NEK10: variants seen among roughly 807,000 people sequenced by gnomAD.
The protein encoded by NEK10 is serine/threonine-protein kinase Nek10.
In NEK10, 122 loss-of-function variants were observed where a neutral mutation model predicts 159.8. The ratio of observed to expected loss-of-function variants is 0.76; its 90% confidence interval spans 0.66 to 0.89. NEK10 has a LOEUF of 0.89. NEK10 is among the 40% of genes least tolerant of loss of function. The pLI is 0.00. For missense variants in NEK10, 1,342 were observed against 1,323.1 expected (o/e 1.01, Z -0.22); for synonymous variants, 466 against 457.1 (o/e 1.02, Z -0.25).
chr3:27,298,542 T>C (rs2043547573), intron 13 of NEK10, among the ~76,000 whole-genome samples: 1 of 152,184 alleles, frequency 6.6e-6, no homozygotes, highest in Non-Finnish European at 1.5e-5. Flanking sequence ...AGAGTCGGGC[T>C]TTGCTGAAAA....
rs1413301810 is a variant in NEK10, at chr3:27,192,024, C to T, written c.2505+5G>A. The T allele has an allele frequency of 1.2e-6, 2 of 1,613,920 alleles. No individual in the cohort carries two copies. Among genetic ancestry groups the T allele is most frequent in the African/African-American group, 2.7e-5 (2 of 75,050 alleles). On this transcript the variant is annotated splice_donor_5th_base_variant and intron_variant, in intron 26 of 35. Transcript: ENST00000691995. Reference sequence around the variant, plus strand: ...TCATGAACCGATTGAAATATTTGCACTTACGTGAGATAGAACAGCCAGCTC... The same window carrying T: ...TCATGAACCGATTGAAATATTTGCATTTACGTGAGATAGAACAGCCAGCTC...
intron 5 of NEK10, among the ~76,000 whole-genome samples, chr3:27,324,161 A>G (rs2045849365): frequency 6.6e-6 from 1 of 152,172 alleles, no homozygotes; most frequent in South Asian, 2.1e-4. Context: ...GGCCACTGTG[A>G]ACAATTTCTA....
chr3:27,331,481 T>A (rs917079344), intron 5 of NEK10, among the ~76,000 whole-genome samples: 6 of 152,096 alleles, frequency 3.9e-5, no homozygotes, highest in Admixed American at 1.3e-4. Flanking sequence ...AAGCATCTCT[T>A]CATTAGCTTC....
chr3:27,116,124 A>G lies in NEK10; in HGVS notation c.3194T>C (p.Leu1065Ser). The change falls in exon 34 of 36, where the codon TTA (leucine) becomes TCA (serine). Residue 1065 changes from leucine to serine, a missense_variant. Leu to Ser is a moderately radical substitution (Grantham distance 145, BLOSUM62 -2). Coordinates refer to ENST00000691995, the MANE Select transcript of NEK10 (RefSeq NM_001394966.1). The stretch of plus-strand genomic sequence containing the variant: ...TTCCTCCAATTCAATGCTGGTTGGT[A>G]AACCTAAAAAAGATAAATTATGGAA... Reference protein sequence around the residue: ...NSLSPNDPTGLPTSIELEEGI... With the variant: ...NSLSPNDPTGSPTSIELEEGI... The G allele has an allele frequency of 1.9e-6, 3 of 1,613,288 alleles. No homozygotes were observed. The highest frequency in any genetic ancestry group is 2.5e-6 in the Non-Finnish European group (3 of 1,179,506).
intron 6 of NEK10, among the ~76,000 whole-genome samples, chr3:27,316,310 G>A (rs1408409936): frequency 2.0e-5 from 3 of 152,098 alleles, no homozygotes; most frequent in Non-Finnish European, 4.4e-5. Flanking sequence ...TATTTGAAGC[G>A]ATATGATCAA....
intron 29 of NEK10, among the ~76,000 whole-genome samples, chr3:27,166,011 A>C (rs1391103644): frequency 6.6e-6 from 1 of 152,212 alleles, no homozygotes; most frequent in African/African-American, 2.4e-5. Flanking sequence ...GAAAAGTATC[A>C]ATGCTATTTG....
intron 20 of NEK10, among the ~76,000 whole-genome samples, chr3:27,285,760 G>C (rs1203712163): frequency 6.6e-6 from 1 of 152,060 alleles, no homozygotes; most frequent in Admixed American, 6.6e-5. Context: ...AGAAAATGTT[G>C]ACAAAAATGG....
intron 29 of NEK10, among the ~76,000 whole-genome samples, chr3:27,170,516 G>A (rs1490709246): frequency 6.6e-6 from 1 of 152,158 alleles, no homozygotes; most frequent in African/African-American, 2.4e-5. Context: ...TGGATCTCCA[G>A]AGGTCAGGAG....
chr3:27,307,412 C>A (rs2044326799), intron 11 of NEK10, among the ~76,000 whole-genome samples: 1 of 152,104 alleles, frequency 6.6e-6, no homozygotes, highest in African/African-American at 2.4e-5. Flanking sequence ...CCATTTTACT[C>A]TAGATTTTGA....
chr3:27,142,634 G>A (rs1481483064), intron 30 of NEK10, among the ~76,000 whole-genome samples: 1 of 151,908 alleles, frequency 6.6e-6, no homozygotes, highest in Non-Finnish European at 1.5e-5. Flanking sequence ...CTTTAAAAAC[G>A]CTTCTATTAT....
chr3:27,138,894 T>C (rs1943498120), intron 31 of NEK10, among the ~76,000 whole-genome samples: 2 of 152,164 alleles, frequency 1.3e-5, no homozygotes, highest in Admixed American at 1.3e-4. Flanking sequence ...TAGTAAACAG[T>C]AATGAAGAAC....
Position 27,330,111 on chromosome 3 carries a change from T to C in NEK10, c.363-7850A>G, listed in dbSNP as rs1043551657. Among the ~76,000 whole-genome samples, 17 of 151,686 alleles carry C rather than the reference T, an allele frequency of 1.1e-4. 2 individuals are homozygous for C. Among genetic ancestry groups the C allele is most frequent in the Non-Finnish European group, 1.5e-5 (1 of 67,970 alleles). On this transcript the variant is annotated intron_variant, in intron 5 of 35. Transcript: ENST00000691995. ...TTAATCTGCAGTTGGTTGAATCTGA[T>C]GATGCAGAACCCTTGGATATCAAGG...
intron 30 of NEK10, among the ~76,000 whole-genome samples, chr3:27,156,677 T>C (rs1379416944): frequency 6.6e-6 from 1 of 151,742 alleles, no homozygotes; most frequent in Non-Finnish European, 1.5e-5. Context: ...GATGCAGTGA[T>C]CAGGGAACAC....
At chr3:27,331,236 T>TCAAAAAAAAAAAA (rs1360780130) in intron 5 of NEK10, among the ~76,000 whole-genome samples, 11 of 7,780 alleles carry the variant, frequency 1.4e-3, no homozygotes, top group African/African-American at 7.7e-3. Flanking sequence ...AGACTCTGTC[T>TCAAAAAAAAAAAA]CAAAAAAAAA....
At chr3:27,353,004 A>C in intron 1 of NEK10, 85 bp from the exon 2 acceptor site, 1 of 637,580 alleles carries the variant, frequency 1.6e-6, no homozygotes, top group South Asian at 1.9e-5. Flanking sequence ...ACCCACTTAT[A>C]ACATCTATTT....
At chr3:27,174,140 A>T (rs1347095727) in intron 28 of NEK10, among the ~76,000 whole-genome samples, 1 of 151,992 alleles carries the variant, frequency 6.6e-6, no homozygotes, top group Non-Finnish European at 1.5e-5. Context: ...CATGTCCATT[A>T]CTCCTGTGGT....
At chr3:27,267,359 T>C (rs117065317) in intron 22 of NEK10, among the ~76,000 whole-genome samples, 1,697 of 152,314 alleles carry the variant, frequency 0.011, 18 homozygotes, top group East Asian at 0.022. Flanking sequence ...CCTCATTTTA[T>C]TGTGCTTCAC....
At chr3:27,170,744 T>A (rs1333821788) in intron 29 of NEK10, among the ~76,000 whole-genome samples, 2 of 152,058 alleles carry the variant, frequency 1.3e-5, no homozygotes, top group African/African-American at 4.8e-5. Context: ...AATAATAATA[T>A]ACAGAAACCA....
At position 27,304,981 on chromosome 3, in the gene NEK10, GT is replaced by G. The variant is rs751425001; in HGVS notation, c.804-11del. 6.4e-7 allele frequency: 1 copy of G among 1,556,882 alleles called. No individual in the cohort carries two copies. Among genetic ancestry groups the G allele is most frequent in the Admixed American group, 1.7e-5 (1 of 59,386 alleles). ...CAACTCCGCTGTTAGTCTGAAAGGG[GT>G]ACAGAGGGTGGGGTGAGAATCACAG... On this transcript the variant is annotated splice_polypyrimidine_tract_variant and intron_variant, in intron 11 of 35. Transcript: ENST00000691995.
Sources: gnomAD v4.1 joint callset for allele counts (sites outside exome capture counted in the v4.1 genomes callset) on GRCh38, gnomAD v4.1.1 for gene constraint, MANE v1.5 for transcripts, NCBI Gene and HGNC (gene_info 2026-07-23, HGNC 2026-07-21) for gene names.